The following WWP2 variants were observed in gnomAD, a reference collection of about 807,000 sequenced individuals.
The protein encoded by WWP2 is WW domain containing E3 ubiquitin protein ligase 2.
In WWP2, 57 loss-of-function variants were observed where a neutral mutation model predicts 121.0. That is an observed-to-expected ratio of 0.47 (90% confidence interval 0.38 to 0.59). WWP2 has a LOEUF of 0.59. Among genes scored for constraint, WWP2 ranks in the 20% least tolerant of loss-of-function variants. The pLI, the probability that WWP2 is intolerant of heterozygous loss-of-function variation, is 0.00. For missense variants in WWP2, 962 were observed against 1,158.9 expected, an observed-to-expected ratio of 0.83 and a Z score of 2.47; for synonymous variants, 449 against 441.3, an observed-to-expected ratio of 1.02 and a Z score of -0.22.
At position 69,935,767 on chromosome 16, in the gene WWP2, C is replaced by T; in HGVS notation, c.1843-86C>T. ...AGGGAAGGAAGGCGGGTAGCGGTAG[C>T]AGAGTTTGATACCGAGCATCTGAGA... On this transcript the variant is annotated intron_variant, in intron 17 of 23. Coordinates refer to ENST00000359154, the MANE Select transcript of WWP2 (RefSeq NM_001270454.2). The surrounding 1 kb of genome is among the most constrained non-coding windows in gnomAD (Gnocchi z 5.2). 6.6e-7 allele frequency: 1 copy of T among 1,525,050 alleles called. No individual in the cohort carries two copies. The allele number at this position is 1,525,050 out of a possible 1,614,324, so 94.5% of individuals were successfully genotyped here.
Position 69,937,179 on chromosome 16 carries a change from G to A in WWP2, c.2179G>A (p.Gly727Ser). Reference sequence around the variant, plus strand: ...AGAGCAGACCAAAGCCTTCCTGGATGGCTTCAACGAGGTGGCCCCGCTGGA... The same window carrying A: ...AGAGCAGACCAAAGCCTTCCTGGATAGCTTCAACGAGGTGGCCCCGCTGGA... ...VEEQTKAFLD[G>S]FNEVAPLEWL... The change falls in exon 20 of 24, where the codon GGC (glycine) becomes AGC (serine). Residue 727 changes from glycine (G) to serine (S), a missense_variant. Coordinates refer to ENST00000359154, the MANE Select transcript of WWP2 (RefSeq NM_001270454.2). The surrounding 1 kb of genome is among the most constrained non-coding windows in gnomAD (Gnocchi z 6.6). 6.2e-7 allele frequency: 1 copy of A among 1,614,086 alleles called. No homozygotes were observed. The highest frequency in any genetic ancestry group is 8.5e-7 in the Non-Finnish European group (1 of 1,180,022).
rs761550151 is a variant in WWP2 at position 69,931,160 on chromosome 16, A to G, written c.1454A>G (p.Gln485Arg). 2 of 1,614,140 alleles carry G rather than the reference A, an allele frequency of 1.2e-6. No homozygotes were observed. Among genetic ancestry groups the G allele is most frequent in the Non-Finnish European group, 1.7e-6 (2 of 1,180,002 alleles). Residue 485 changes from glutamine (Q) to arginine (R), a missense_variant, in exon 14 of 24, where the codon CAA becomes CGA. Coordinates refer to ENST00000359154, the MANE Select transcript of WWP2 (RefSeq NM_001270454.2). Reference protein sequence around the residue: ...PRPGFESGTKQGSPGAYDRSF... With the variant: ...PRPGFESGTKRGSPGAYDRSF... ...ATCTTTGCTCTTCCTAGGACGAAGC[A>G]AGGTTCCCCTGGTGCTTATGACCGC...
chr16:69,896,295 T>C (rs1410100824), intron 8 of WWP2, among the ~76,000 whole-genome samples: 1 of 152,156 alleles, frequency 6.6e-6, no homozygotes, highest in Admixed American at 6.6e-5. Context: ...ATTTTTGTAC[T>C]TTTTGTAGAG....
chr16:69,814,156 G>A (rs1196760900), intron 4 of WWP2, among the ~76,000 whole-genome samples: 1 of 152,054 alleles, frequency 6.6e-6, no homozygotes, highest in Admixed American at 6.6e-5. Context: ...CAAATGTGGG[G>A]TCGTTTGTTT....
At position 69,839,220 on chromosome 16, in the gene WWP2, C is replaced by T. The variant is rs540980368; in HGVS notation, c.341-906C>T. 2.0e-4 allele frequency among the ~76,000 whole-genome samples: 30 copies of T among 152,218 alleles called. No homozygotes were observed. In the South Asian group the frequency reaches 5.4e-3, roughly 27 times the overall value. Reference sequence around the variant, plus strand: ...TGTAAGGTGTGGAGTGGACGGACCCCGTGGAAATCCTCATAAAGGCTGATT... The same window carrying T: ...TGTAAGGTGTGGAGTGGACGGACCCTGTGGAAATCCTCATAAAGGCTGATT... On this transcript the variant is annotated intron_variant, in intron 4 of 23. Transcript: ENST00000359154.
chr16:69,912,918 CAAAACAAAAAAAAAAAAAAAAAAAAA>C (rs1479350947), intron 9 of WWP2, among the ~76,000 whole-genome samples: 2,576 of 31,766 alleles, frequency 0.081, 246 homozygotes, highest in Middle Eastern at 0.17. Context: ...CCAGTCTCTA[CAAAACAAAAAAAAAAAAAAAAAAAAA>C]AAAAAAAAAA....
chr16:69,836,592 TG>T lies in WWP2; in HGVS notation c.341-3532del, dbSNP rs2056880503. On this transcript the variant is annotated intron_variant, in intron 4 of 23. Transcript: ENST00000359154. The stretch of plus-strand genomic sequence containing the variant: ...GAAAAAAGGCCCTCTCTCTCCTCAT[TG>T]GCTATTTAAATTTAAATTAAATTAA... Among the ~76,000 whole-genome samples the T allele has an allele frequency of 5.9e-5, 9 of 152,176 alleles. No homozygotes were observed. In the South Asian group the frequency reaches 1.9e-3, roughly 32 times the overall value.
chr16:69,854,563 A>G (rs993257730), intron 6 of WWP2, among the ~76,000 whole-genome samples: 4 of 149,398 alleles, frequency 2.7e-5, no homozygotes, highest in African/African-American at 9.9e-5. Context: ...AAGTTTATTT[A>G]TTTTTGAGAT....
intron 7 of WWP2, among the ~76,000 whole-genome samples, chr16:69,877,889 C>A (rs185763776): frequency 6.6e-6 from 1 of 152,130 alleles, no homozygotes; most frequent in East Asian, 1.9e-4. Context: ...CTCACTGCAA[C>A]CTCCGCCTCC....
chr16:69,877,727 A>G (rs2057757943), intron 7 of WWP2, among the ~76,000 whole-genome samples: 1 of 151,264 alleles, frequency 6.6e-6, no homozygotes, highest in South Asian at 2.1e-4. Flanking sequence ...TGTAGGGTAT[A>G]AGGAGAGAGA....
chr16:69,786,104 G>A (rs2055783168), intron 1 of WWP2: 1 of 148,782 alleles, frequency 6.7e-6, no homozygotes, highest in South Asian at 2.1e-4. Flanking sequence ...CTGTCTTTCT[G>A]CTGTGAATCT....
In WWP2 at chr16:69,936,087, C is replaced by G. The variant is rs142625294; in HGVS notation, c.1976+101C>G. The G allele has an allele frequency of 1.4e-3, 2,230 of 1,539,380 alleles. 21 individuals carry two copies. The African/African-American group carries it at 0.019, about 13-fold the overall frequency. ...TTTATTTTGTCTGCCAGTGTGGCCC[C>G]TGAGCTCTTTTCCAGCCTCTATAAG... is the stretch of plus-strand genomic sequence containing the variant. On this transcript the variant is annotated intron_variant, in intron 18 of 23. Transcript: ENST00000359154.
Position 69,939,080 on chromosome 16 carries a change from C to G in WWP2, c.2397C>G (p.Thr799=), listed in dbSNP as rs140641016. The G allele has an allele frequency of 6.2e-7, 1 of 1,606,734 alleles. No homozygotes were observed. The highest frequency in any genetic ancestry group is 1.7e-5 in the Admixed American group (1 of 59,204). ...EKRIRLLQFV[T]GTCRLPVGGF... The stretch of plus-strand genomic sequence containing the variant: ...GGATCCGGCTGCTGCAGTTTGTCAC[C>G]GGTACCTGCCGCCTGCCCGTCGGGG... Residue 799 remains threonine, a synonymous_variant, in exon 22 of 24, where the codon ACC becomes ACG. Transcript: ENST00000359154.
At chr16:69,932,880 C>A (rs41280902) in intron 16 of WWP2, among the ~76,000 whole-genome samples, 2 of 152,338 alleles carry the variant, frequency 1.3e-5, no homozygotes, top group Non-Finnish European at 2.9e-5. Flanking sequence ...AGCGCTGTGG[C>A]CCGCAGCGAC....
At chr16:69,783,873 C>T (rs180814866) in intron 1 of WWP2, among the ~76,000 whole-genome samples, 1 of 151,876 alleles carries the variant, frequency 6.6e-6, no homozygotes, top group Non-Finnish European at 1.5e-5. Context: ...GAGGATTGCT[C>T]GAGTCTAGGA....
chr16:69,859,884 G>T (rs1275693167), intron 6 of WWP2, among the ~76,000 whole-genome samples: 22 of 60,648 alleles, frequency 3.6e-4, no homozygotes, highest in Admixed American at 3.6e-3. Flanking sequence ...CGCCCCGCCC[G>T]ATGATCCCCT....
At chr16:69,921,927 A>C (rs901810743) in intron 10 of WWP2, among the ~76,000 whole-genome samples, 8 of 151,902 alleles carry the variant, frequency 5.3e-5, no homozygotes, top group Non-Finnish European at 8.8e-5. Context: ...TACAAAAATT[A>C]GCTGGGCGTG....
At chr16:69,904,788 C>A (rs1431389985) in intron 8 of WWP2, among the ~76,000 whole-genome samples, 1 of 152,156 alleles carries the variant, frequency 6.6e-6, no homozygotes. Context: ...TGGGTCAAAT[C>A]CCCAGGAGTC....
In WWP2 at chr16:69,937,613, C is replaced by G. The variant is rs1378003553; in HGVS notation, c.2304C>G (p.His768Gln). The change falls in exon 21 of 24, where the codon CAC becomes CAG. Residue 768 changes from histidine to glutamine, a missense_variant. Coordinates refer to ENST00000359154, the MANE Select transcript of WWP2 (RefSeq NM_001270454.2). The surrounding 1 kb of genome is among the most constrained non-coding windows in gnomAD (Gnocchi z 6.6). ...GGCAGAAGAGCACCATCTACCGGCA[C>G]TACACCAAGAACAGCAAGCAGATCC... is the stretch of plus-strand genomic sequence containing the variant. The part of the protein sequence containing the change: ...SDWQKSTIYR[H>Q]YTKNSKQIQW... The G allele has an allele frequency of 3.7e-6, 6 of 1,613,994 alleles. No homozygotes were observed. Among genetic ancestry groups the G allele is most frequent in the Non-Finnish European group, 5.1e-6 (6 of 1,180,004 alleles).
Sources: gnomAD v4.1 joint callset for allele counts (sites outside exome capture counted in the v4.1 genomes callset) on GRCh38, gnomAD v4.1.1 for gene constraint, Gnocchi (gnomAD v3.1) non-coding constraint, MANE v1.5 for transcripts, NCBI Gene and HGNC (gene_info 2026-07-23, HGNC 2026-07-21) for gene names.